The following ABCC5 variants were observed in gnomAD, a reference collection of about 807,000 sequenced individuals.
ABCC5 encodes ATP binding cassette subfamily C member 5.
A neutral mutation model predicts 160.9 loss-of-function variants in ABCC5; 61 were observed. That is an observed-to-expected ratio of 0.38 (90% CI 0.31 to 0.47). The LOEUF is 0.47. Among genes scored for constraint, ABCC5 ranks in the 20% least tolerant of loss-of-function variants. The pLI is 0.99. For missense variants in ABCC5, 1,308 were observed against 1,813.3 expected (o/e 0.72, Z 5.06); for synonymous variants, 666 against 700.6 (o/e 0.95, Z 0.78).
intron 2 of ABCC5, among the ~76,000 whole-genome samples, chr3:184,001,549 T>C (rs1263162884): frequency 6.6e-6 from 1 of 152,130 alleles, no homozygotes; most frequent in African/African-American, 2.4e-5. Flanking sequence ...CATGTGGCAA[T>C]ATCTGGAAAT....
At chr3:183,981,343 C>G (rs1560029383) in intron 8 of ABCC5, among the ~76,000 whole-genome samples, 2 of 152,164 alleles carry the variant, frequency 1.3e-5, no homozygotes, top group Admixed American at 6.5e-5. Context: ...CGTGAAACCA[C>G]AGAGTAGAGT....
rs1718859638 is a variant in ABCC5, at chr3:183,982,782, G to A, written c.817C>T (p.Leu273=). The change falls in exon 6 of 30, where the codon CTG becomes TTG. Residue 273 remains leucine, a synonymous_variant. Transcript: ENST00000334444. The surrounding 1 kb of genome is among the most constrained non-coding windows in gnomAD (Gnocchi z 5.2). ...AAACACCCCTCACTCACCTCACCCA[G>A]GGATTTCTCTTTAATGTTCTTTAAC... ...LKLKNIKEKS[L]GELINICSND... is the part of the protein sequence containing the mutation. The A allele has an allele frequency of 6.2e-7, 1 of 1,614,054 alleles. No homozygotes were observed. The highest frequency in any genetic ancestry group is 1.3e-5 in the African/African-American group (1 of 74,920).
intron 2 of ABCC5, among the ~76,000 whole-genome samples, chr3:184,013,325 G>T (rs1467361201): frequency 6.6e-6 from 1 of 151,582 alleles, no homozygotes; most frequent in Non-Finnish European, 1.5e-5. Flanking sequence ...GCGTGATCTT[G>T]GCTCACTGCA....
chr3:184,010,045 G>A (rs1040745565), intron 2 of ABCC5: 41 of 386,834 alleles, frequency 1.1e-4, no homozygotes, highest in Non-Finnish European at 1.1e-4. Context: ...GGTGGCTGAC[G>A]CCTGTAATCC....
At chr3:183,926,765 G>A (rs768403045) in intron 28 of ABCC5, among the ~76,000 whole-genome samples, 1 of 151,958 alleles carries the variant, frequency 6.6e-6, no homozygotes. Context: ...AATCTATGTC[G>A]GCCAGACACG....
rs191986630 is a variant in ABCC5 at position 183,928,079 on chromosome 3, G to C, written c.3934-636C>G. 6.4e-4 allele frequency among the ~76,000 whole-genome samples: 97 copies of C among 151,656 alleles called. No homozygotes were observed. The East Asian group carries it at 0.011, about 17-fold the overall frequency. On this transcript the variant is annotated intron_variant, in intron 27 of 29. Transcript: ENST00000334444. The stretch of plus-strand genomic sequence containing the variant: ...GTGGTCCATGGTCCATATGCACACT[G>C]TGTGCTTTCTGCAGACTCAATATGT...
At chr3:183,945,790 A>G in intron 24 of ABCC5, 60 bp downstream of exon 24, 1 of 1,421,876 alleles carries the variant, frequency 7.0e-7, no homozygotes. Context: ...CTGAGGCAGC[A>G]AAGGGTAAAC....
chr3:184,005,148 C>T (rs1248344361), intron 2 of ABCC5, among the ~76,000 whole-genome samples: 2 of 152,144 alleles, frequency 1.3e-5, no homozygotes, highest in Admixed American at 1.3e-4. Context: ...GGGAAGCTCA[C>T]CCAGCCCCAG....
In ABCC5 at chr3:183,977,576, C is replaced by T; in HGVS notation, c.1345G>A (p.Val449Ile). The part of the protein sequence containing the change: ...VFNSMTFALK[V>I]TPFSVKSLSE... ...AGGGACTTTACTGAAAACGGTGTTA[C>T]TTTCAAAGCAAAAGTCATGGAATTG... Residue 449 changes from valine (V) to isoleucine (I), a missense_variant, in exon 10 of 30, where the codon GTA (valine) becomes ATA (isoleucine). Coordinates refer to ENST00000334444, the MANE Select transcript of ABCC5 (RefSeq NM_005688.4). 4.3e-6 allele frequency: 7 copies of T among 1,614,098 alleles called. No individual in the cohort carries two copies. Among genetic ancestry groups the T allele is most frequent in the Non-Finnish European group, 5.9e-6 (7 of 1,179,984 alleles).
chr3:183,952,000 T>C lies in ABCC5; in HGVS notation c.2671A>G (p.Thr891Ala). The change falls in exon 19 of 30, where the codon ACC becomes GCC. Residue 891 changes from threonine (T) to alanine (A), a missense_variant. Physicochemically the swap from Thr to Ala is moderately conservative, Grantham distance 58. Around this residue, in one of 3 missense-constraint regions of ABCC5, gnomAD observed 1,142 missense variants for 1,527.1 expected, o/e 0.75. Transcript: ENST00000334444. This position sits in a 1 kb window ranked among gnomAD's most constrained non-coding sequence, Gnocchi z 4.7. Reference protein sequence around the residue: ...SYWIKQGSGNTTVTRGNETSV... With the variant: ...SYWIKQGSGNATVTRGNETSV... ...GTCTCGTTCCCTCGAGTCACAGTGGTGTTCTGTTTGAAGCCAAAGTTCTAT... is the reference window on the plus strand; with the variant it reads ...GTCTCGTTCCCTCGAGTCACAGTGGCGTTCTGTTTGAAGCCAAAGTTCTAT... 2 of 1,607,386 alleles carry C rather than the reference T, an allele frequency of 1.2e-6. No homozygotes were observed. The highest frequency in any genetic ancestry group is 1.1e-5 in the South Asian group (1 of 90,932).
intron 2 of ABCC5, among the ~76,000 whole-genome samples, chr3:183,994,925 A>G (rs538111289): frequency 1.3e-5 from 2 of 149,600 alleles, no homozygotes; most frequent in South Asian, 4.2e-4. Context: ...TGGCATGATC[A>G]CGGCTCATTG....
At chr3:184,010,367 A>G (rs894867787) in intron 2 of ABCC5, 1 of 152,056 alleles carries the variant, frequency 6.6e-6, no homozygotes, top group Non-Finnish European at 1.5e-5. Flanking sequence ...TAAAAGTGGT[A>G]TTAGCCTTCA....
At chr3:184,008,820 T>C (rs578061601) in intron 2 of ABCC5, among the ~76,000 whole-genome samples, 1 of 152,328 alleles carries the variant, frequency 6.6e-6, no homozygotes, top group Admixed American at 6.5e-5. Flanking sequence ...GGTGCTTTGC[T>C]TCTGACTTCT....
At chr3:183,965,650 A>T in intron 12 of ABCC5, 149 bp from the exon 13 acceptor site, 2 of 1,029,412 alleles carry the variant, frequency 1.9e-6, no homozygotes, top group Non-Finnish European at 2.8e-6. Flanking sequence ...TTTAATTCCA[A>T]AGAGAGCTAA....
rs1025170991 is a variant in ABCC5 at position 183,988,427 on chromosome 3, A to G, written c.443+145T>C. 4 of 922,768 alleles carry G rather than the reference A, an allele frequency of 4.3e-6. No individual in the cohort carries two copies. The South Asian group carries it at 5.5e-5, about 13-fold the overall frequency. The allele number at this position is 922,768 out of a possible 1,614,324, so 57.2% of individuals were successfully genotyped here. On this transcript the variant is annotated intron_variant, in intron 4 of 29. Transcript: ENST00000334444. This position sits in a 1 kb window ranked among gnomAD's most constrained non-coding sequence, Gnocchi z 4.4. ...GGTGAAATAGGAGATAAAGCAAAAG[A>G]GCAAAGAGAAAGTCATCCCCAGGCC...
chr3:183,962,742 G>A (rs1179822552), intron 15 of ABCC5, among the ~76,000 whole-genome samples: 1 of 151,912 alleles, frequency 6.6e-6, no homozygotes, highest in Non-Finnish European at 1.5e-5. Context: ...AGTTGGTCTC[G>A]AACTCCTGAC....
At chr3:183,926,308 T>C (rs55881995) in intron 28 of ABCC5, among the ~76,000 whole-genome samples, 1 of 151,730 alleles carries the variant, frequency 6.6e-6, no homozygotes, top group Non-Finnish European at 1.5e-5. Flanking sequence ...TCCCAGCACT[T>C]TGAGAGGCCG....
intron 2 of ABCC5, among the ~76,000 whole-genome samples, chr3:183,997,819 G>A (rs1720400671): frequency 1.3e-5 from 2 of 152,058 alleles, no homozygotes; most frequent in Admixed American, 6.6e-5. Flanking sequence ...ATTTTGCTCT[G>A]TCACCCAGGC....
At chr3:183,956,041 G>C (rs1485949526) in intron 17 of ABCC5, among the ~76,000 whole-genome samples, 9 of 142,498 alleles carry the variant, frequency 6.3e-5, no homozygotes, top group Admixed American at 4.3e-4. Context: ...TATCACATCA[G>C]TTACATGCAG....
Sources: gnomAD v4.1 joint callset for allele counts (sites outside exome capture counted in the v4.1 genomes callset) on GRCh38, gnomAD v4.1.1 for gene constraint, gnomAD v4.1.1 regional missense constraint, Gnocchi (gnomAD v3.1) non-coding constraint, MANE v1.5 for transcripts, NCBI Gene and HGNC (gene_info 2026-07-23, HGNC 2026-07-21) for gene names.